Variants in CDH17 observed in about 807,000 individuals in gnomAD.
CDH17 encodes cadherin-17.
CDH17 carries 67 observed loss-of-function variants against 86.3 expected under a neutral mutation model. The ratio of observed to expected loss-of-function variants is 0.78; its 90% CI spans 0.64 to 0.95. The LOEUF (loss-of-function observed/expected upper bound fraction) is 0.95. Ranked by LOEUF, CDH17 falls within the 40% of genes least tolerant of loss-of-function variation. The probability of loss-of-function intolerance (pLI) is 0.00; values close to 1 mark genes in which losing one functional copy is unlikely to be tolerated. For synonymous variants in CDH17, 367 were observed against 366.4 expected, an observed-to-expected ratio of 1.00 and a Z score of -0.02; for missense variants, 993 against 1,017.6, an observed-to-expected ratio of 0.98 and a Z score of 0.33.
chr8:94,182,767 A>G (rs1157111590), intron 3 of CDH17, among the ~76,000 whole-genome samples: 4 of 152,120 alleles, frequency 2.6e-5, no homozygotes, highest in African/African-American at 9.7e-5. Flanking sequence ...TAGCAAGGGG[A>G]ATTAGGCAAG....
chr8:94,168,143 T>TACATATATATATATATATATATATAC (rs1368025212), intron 9 of CDH17, among the ~76,000 whole-genome samples: 2 of 101,592 alleles, frequency 2.0e-5, no homozygotes, highest in African/African-American at 1.2e-4. Flanking sequence ...TATATATATA[T>TACATATATATATATATATATATATAC]ATATATATAT....
chr8:94,200,864 G>A (rs1323342395), intron 1 of CDH17, among the ~76,000 whole-genome samples: 1 of 152,188 alleles, frequency 6.6e-6, no homozygotes, highest in Non-Finnish European at 1.5e-5. Flanking sequence ...AGACTTGGTG[G>A]TGAAAAACTA....
Position 94,146,060 on chromosome 8 carries a change from G to T in CDH17, c.2035C>A (p.Pro679Thr). The T allele has an allele frequency of 1.2e-6, 2 of 1,613,906 alleles. No homozygotes were observed. Among genetic ancestry groups the T allele is most frequent in the Non-Finnish European group, 1.7e-6 (2 of 1,179,912 alleles). ...KDYTGLFFCHPLSAPGSLIFE... is the reference protein window; with the variant it reads ...KDYTGLFFCHTLSAPGSLIFE... ...ATGAGACTTCCAGGTGCACTGAGGG[G>T]ATGGCAGAAGAACAAGCCCGTGTAG... Residue 679 changes from proline to threonine, a missense_variant, in exon 15 of 18, where the codon CCC becomes ACC. Coordinates refer to ENST00000027335, the MANE Select transcript of CDH17 (RefSeq NM_004063.4).
At chr8:94,176,747 T>G in intron 4 of CDH17, 68 bp from the exon 5 acceptor site, 2 of 1,493,748 alleles carry the variant, frequency 1.3e-6, no homozygotes, top group Non-Finnish European at 1.8e-6. Flanking sequence ...AAAAATCACT[T>G]GAAGGAAATT....
Position 94,174,188 on chromosome 8 carries a change from T to C in CDH17, c.497A>G (p.Gln166Arg). The change falls in exon 6 of 18, where the codon CAG becomes CGG. Residue 166 changes from glutamine (Q) to arginine (R), a missense_variant. Transcript: ENST00000027335. ...PATPNGQLYYQIVIQLPMINN... is the reference protein window; with the variant it reads ...PATPNGQLYYRIVIQLPMINN... ...GATCATGGGAAGCTGGATGACAATC[T>C]GGTAATAAAGCTGGCCATTGGGAGT... is the stretch of plus-strand genomic sequence containing the variant. The C allele has an allele frequency of 1.2e-6, 2 of 1,613,418 alleles. No individual in the cohort carries two copies. The highest frequency in any genetic ancestry group is 2.2e-5 in the South Asian group (2 of 91,042).
chr8:94,163,071 T>C (rs576772190), intron 10 of CDH17, among the ~76,000 whole-genome samples: 1 of 152,246 alleles, frequency 6.6e-6, no homozygotes, highest in African/African-American at 2.4e-5. Flanking sequence ...GATGTTTTCA[T>C]CATAATACAG....
At chr8:94,182,982 G>T (rs927131682) in intron 3 of CDH17, among the ~76,000 whole-genome samples, 2 of 151,892 alleles carry the variant, frequency 1.3e-5, no homozygotes, top group African/African-American at 2.4e-5. Flanking sequence ...ACCCAAAAAT[G>T]ATATTTTTAA....
chr8:94,195,952 G>A (rs1049743132), intron 1 of CDH17, among the ~76,000 whole-genome samples: 1 of 151,686 alleles, frequency 6.6e-6, no homozygotes, highest in Non-Finnish European at 1.5e-5. Context: ...AGTAGAGATG[G>A]GGTTTTGCCG....
At chr8:94,195,760 ATTTTT>A (rs5893269) in intron 1 of CDH17, among the ~76,000 whole-genome samples, 1 of 144,778 alleles carries the variant, frequency 6.9e-6, no homozygotes, top group South Asian at 2.2e-4. Flanking sequence ...AGTCAAGGAA[ATTTTT>A]TTTTTTTTTT....
In CDH17 at chr8:94,145,910, G is replaced by T. The variant is rs1002747507; in HGVS notation, c.2167+18C>A. The T allele has an allele frequency of 5.0e-6, 8 of 1,602,114 alleles. No individual in the cohort carries two copies. The Admixed American group carries it at 5.2e-5, about 10-fold the overall frequency. On this transcript the variant is annotated intron_variant, in intron 15 of 17. Coordinates refer to ENST00000027335, the MANE Select transcript of CDH17 (RefSeq NM_004063.4). ...ATCATCCATCTATGTTTTTTTCCAT[G>T]TATTTCTGACAACTCACCATTGATT...
Position 94,177,595 on chromosome 8 carries a change from T to A in CDH17, c.277A>T (p.Asn93Tyr). 2 of 1,613,742 alleles carry A rather than the reference T, an allele frequency of 1.2e-6. No homozygotes were observed. Residue 93 changes from asparagine to tyrosine, a missense_variant, in exon 4 of 18, where the codon AAT becomes TAT. By Grantham distance (143) the Asn-to-Tyr change is moderately radical (BLOSUM62 -2). Transcript: ENST00000027335. The stretch of plus-strand genomic sequence containing the variant: ...AGCTGGTATCAATTTACCTGGAGAT[T>A]GTGAGTAGATCTTGTTTCCCTGTCC... ...ALDRETRSTH[N>Y]LQVAALDANG...
intron 10 of CDH17, among the ~76,000 whole-genome samples, chr8:94,165,149 C>T (rs566267408): frequency 8.5e-5 from 13 of 152,288 alleles, no homozygotes; most frequent in Middle Eastern, 3.4e-3. Context: ...GGCAGACCTC[C>T]AACAACAGGG....
At chr8:94,155,131 T>A (rs1812922279) in intron 12 of CDH17, among the ~76,000 whole-genome samples, 1 of 151,950 alleles carries the variant, frequency 6.6e-6, no homozygotes, top group Non-Finnish European at 1.5e-5. Context: ...GCCAGCTAAG[T>A]GTGAAAAAAG....
At chr8:94,190,171 T>C (rs1813659647) in intron 2 of CDH17, among the ~76,000 whole-genome samples, 1 of 152,242 alleles carries the variant, frequency 6.6e-6, no homozygotes, top group Non-Finnish European at 1.5e-5. Context: ...TAACAGGTGA[T>C]GACACTAAGA....
At chr8:94,159,588 G>A (rs1306126821) in intron 12 of CDH17, among the ~76,000 whole-genome samples, 1 of 152,136 alleles carries the variant, frequency 6.6e-6, no homozygotes, top group Non-Finnish European at 1.5e-5. Context: ...TTAGCAAATA[G>A]CAAATAAAAA....
chr8:94,138,846 T>A (rs144760296), intron 15 of CDH17, among the ~76,000 whole-genome samples: 9 of 152,220 alleles, frequency 5.9e-5, no homozygotes, highest in African/African-American at 2.2e-4. Context: ...TCTAAGAAAA[T>A]TTAAAAGCAA....
intron 8 of CDH17, 97 bp downstream of exon 8, chr8:94,170,757 T>TC: frequency 6.6e-6 from 9 of 1,355,776 alleles, no homozygotes; most frequent in Non-Finnish European, 7.0e-6. Context: ...GAAATGTGTG[T>TC]TTTTTTTTTC....
intron 1 of CDH17, among the ~76,000 whole-genome samples, chr8:94,197,012 A>G (rs938194144): frequency 7.9e-5 from 12 of 152,290 alleles, no homozygotes; most frequent in Non-Finnish European, 1.8e-4. Flanking sequence ...CGCCTCCTCA[A>G]GTTCATATAT....
Position 94,190,474 on chromosome 8 carries a change from C to T in CDH17, c.52-1189G>A, listed in dbSNP as rs1230442175. On this transcript the variant is annotated intron_variant, in intron 2 of 17. Coordinates refer to ENST00000027335, the MANE Select transcript of CDH17 (RefSeq NM_004063.4). ...CGGGAAGGGACAGCCAGTCATGCAG[C>T]CACGTTGGGGCACCCTCTAGGACCA... Among the ~76,000 whole-genome samples the T allele has an allele frequency of 2.6e-5, 4 of 152,194 alleles. No homozygotes were observed. The East Asian group carries it at 5.8e-4, about 22-fold the overall frequency.
Sources: gnomAD v4.1 joint callset for allele counts (sites outside exome capture counted in the v4.1 genomes callset) on GRCh38, gnomAD v4.1.1 for gene constraint, MANE v1.5 for transcripts, NCBI Gene and HGNC (gene_info 2026-07-23, HGNC 2026-07-21) for gene names.